SEMA3C: variants seen among roughly 807,000 people sequenced by gnomAD.
SEMA3C encodes the protein semaphorin-3C.
Under a neutral mutation model 89.4 loss-of-function variants are expected in SEMA3C, and 47 were observed. The ratio of observed to expected loss-of-function variants is 0.53; its 90% CI spans 0.42 to 0.67. The LOEUF (loss-of-function observed/expected upper bound fraction) is 0.67, where lower values mean the gene tolerates loss of function less well. Among genes scored for constraint, SEMA3C ranks in the 30% least tolerant of loss-of-function variants. The pLI, the probability that SEMA3C is intolerant of heterozygous loss-of-function variation, is 0.00. For missense variants in SEMA3C, 839 were observed against 929.1 expected (o/e 0.90, Z 1.26); for synonymous variants, 310 against 320.2 (o/e 0.97, Z 0.34).
intron 12 of SEMA3C, among the ~76,000 whole-genome samples, chr7:80,787,368 G>T (rs907712950): frequency 5.7e-4 from 85 of 149,646 alleles, no homozygotes; most frequent in African/African-American, 1.7e-3. Flanking sequence ...CTCCAGCCTG[G>T]GTGATAGAGC....
At chr7:80,778,386 C>T (rs896160908) in intron 12 of SEMA3C, among the ~76,000 whole-genome samples, 9 of 152,136 alleles carry the variant, frequency 5.9e-5, no homozygotes, top group South Asian at 4.1e-4. Context: ...GATGTAAATT[C>T]GGGGCTAATC....
At chr7:80,752,974 A>T (rs893538277) in intron 15 of SEMA3C, among the ~76,000 whole-genome samples, 1 of 152,238 alleles carries the variant, frequency 6.6e-6, no homozygotes, top group Non-Finnish European at 1.5e-5. Context: ...TTAAAAGCAC[A>T]CAGTAGATAT....
chr7:80,849,196 A>C (rs893946696), intron 2 of SEMA3C, among the ~76,000 whole-genome samples: 4 of 152,194 alleles, frequency 2.6e-5, no homozygotes, highest in Non-Finnish European at 5.9e-5. Context: ...ACTGTTCTGC[A>C]TAAAAAGAAT....
chr7:80,882,875 T>A (rs1262216970), intron 2 of SEMA3C, among the ~76,000 whole-genome samples: 3 of 151,804 alleles, frequency 2.0e-5, no homozygotes, highest in African/African-American at 7.3e-5. Flanking sequence ...CATATGAAAA[T>A]TTAAAAAAGA....
intron 2 of SEMA3C, among the ~76,000 whole-genome samples, chr7:80,912,929 T>A (rs1792186470): frequency 1.3e-5 from 2 of 152,188 alleles, no homozygotes; most frequent in African/African-American, 2.4e-5. Flanking sequence ...ATTCATCAGC[T>A]TTGGGGCTTA....
chr7:80,752,606 C>A (rs1413798564), intron 15 of SEMA3C, among the ~76,000 whole-genome samples: 1 of 115,946 alleles, frequency 8.6e-6, no homozygotes, highest in Non-Finnish European at 1.8e-5. Context: ...CAGGGTGAGA[C>A]TCCATCTCAA....
At chr7:80,802,282 A>G (rs944867075) in intron 9 of SEMA3C, among the ~76,000 whole-genome samples, 1 of 152,140 alleles carries the variant, frequency 6.6e-6, no homozygotes, top group Non-Finnish European at 1.5e-5. Context: ...ATTAGCTACA[A>G]TAGTAAAAAT....
chr7:80,783,903 T>C lies in SEMA3C; in HGVS notation c.1354+5403A>G, dbSNP rs541383150. ...AAGAAGCATGAAACAGTATACACTA[T>C]ATAAGAATGTTAGCAGAACACATGT... On this transcript the variant is annotated intron_variant, in intron 12 of 17. Coordinates refer to ENST00000265361, the MANE Select transcript of SEMA3C (RefSeq NM_006379.5). Among the ~76,000 whole-genome samples the C allele has an allele frequency of 2.6e-5, 4 of 152,298 alleles. No homozygotes were observed. The East Asian group carries it at 7.7e-4, about 29-fold the overall frequency.
chr7:80,801,966 C>T (rs1789219809), intron 9 of SEMA3C, among the ~76,000 whole-genome samples: 1 of 151,996 alleles, frequency 6.6e-6, no homozygotes, highest in Non-Finnish European at 1.5e-5. Context: ...AACTTATCAC[C>T]TGTCTCAAAA....
At chr7:80,856,219 A>C (rs1178816986) in intron 2 of SEMA3C, among the ~76,000 whole-genome samples, 1 of 152,112 alleles carries the variant, frequency 6.6e-6, no homozygotes, top group Non-Finnish European at 1.5e-5. Flanking sequence ...AATGGATTTG[A>C]CAGATTATCT....
intron 17 of SEMA3C, among the ~76,000 whole-genome samples, chr7:80,746,033 T>C (rs566335060): frequency 2.0e-5 from 3 of 152,304 alleles, no homozygotes; most frequent in African/African-American, 4.8e-5. Context: ...CAGTAAATGC[T>C]TGAAACCTTC....
chr7:80,915,988 G>A (rs1262137086), intron 2 of SEMA3C, among the ~76,000 whole-genome samples: 1 of 152,120 alleles, frequency 6.6e-6, no homozygotes, highest in Non-Finnish European at 1.5e-5. Context: ...TCATTCATCT[G>A]TAAGTCCTTT....
rs540188780 is a variant in SEMA3C, at chr7:80,850,895, T to G, written c.104-22150A>C. Among the ~76,000 whole-genome samples the G allele has an allele frequency of 1.9e-3, 294 of 152,318 alleles. 2 individuals are homozygous for G. Among genetic ancestry groups the G allele is most frequent in the African/African-American group, 6.7e-3 (280 of 41,580 alleles). On this transcript the variant is annotated intron_variant, in intron 2 of 17. Coordinates refer to ENST00000265361, the MANE Select transcript of SEMA3C (RefSeq NM_006379.5). ...GTGACTTAAAACACAAAATTTTTTC[T>G]CTCACACTTCTAGAGACCAGGAGTA... is the stretch of plus-strand genomic sequence containing the variant.
intron 2 of SEMA3C, among the ~76,000 whole-genome samples, chr7:80,874,212 T>C (rs1362741040): frequency 6.6e-6 from 1 of 152,172 alleles, no homozygotes; most frequent in Non-Finnish European, 1.5e-5. Context: ...TAGAATTGAC[T>C]GCTCCTAACA....
intron 2 of SEMA3C, among the ~76,000 whole-genome samples, chr7:80,904,006 A>G (rs1421035480): frequency 1.3e-5 from 2 of 152,074 alleles, no homozygotes; most frequent in Non-Finnish European, 2.9e-5. Context: ...TTAATCCCCT[A>G]TATGTTAGGC....
chr7:80,802,760 C>A lies in SEMA3C; in HGVS notation c.821G>T (p.Arg274Leu). The A allele has an allele frequency of 6.2e-7, 1 of 1,612,596 alleles. No homozygotes were observed. The highest frequency in any genetic ancestry group is 8.5e-7 in the Non-Finnish European group (1 of 1,178,848). The change falls in exon 9 of 18, where the codon CGT becomes CTT. Residue 274 changes from arginine to leucine, a missense_variant. Physicochemically the swap from Arg to Leu is moderately radical, Grantham distance 102. Transcript: ENST00000265361. ...RICPNDTGGL[R>L]SLVNKWTTFL... is the part of the protein sequence containing the mutation. ...AGTGGTCCACTTGTTGACAAGGCTA[C>A]GCAGTCCACCAGTGTCATTCTAAAA...
intron 2 of SEMA3C, among the ~76,000 whole-genome samples, chr7:80,870,982 G>T (rs1247293201): frequency 6.6e-6 from 1 of 152,138 alleles, no homozygotes; most frequent in Non-Finnish European, 1.5e-5. Context: ...CTTAATACTG[G>T]CCCTCTGAAC....
At chr7:80,758,956 G>A (rs1379804626) in intron 14 of SEMA3C, among the ~76,000 whole-genome samples, 1 of 152,102 alleles carries the variant, frequency 6.6e-6, no homozygotes, top group African/African-American at 2.4e-5. Context: ...AGTAAGTACT[G>A]GATGAAATAA....
At position 80,761,578 on chromosome 7, in the gene SEMA3C, T is replaced by G. The variant is rs1349892436; in HGVS notation, c.1485+38A>C. ...ATAATTTTTCATAACAACAAAACAT[T>G]TCAATAAGCAAAGAACATAAAATAG... On this transcript the variant is annotated intron_variant, in intron 14 of 17. Coordinates refer to ENST00000265361, the MANE Select transcript of SEMA3C (RefSeq NM_006379.5). 3 of 1,087,646 alleles carry G rather than the reference T, an allele frequency of 2.8e-6. No homozygotes were observed. In the Admixed American group the frequency reaches 7.1e-5, roughly 26 times the overall value. The allele number at this position is 1,087,646 out of a possible 1,614,324, so 67.4% of individuals were successfully genotyped here. A position where few individuals can be genotyped will look rare whatever the true frequency, so the allele number is the denominator to read the frequency against.
Sources: allele counts gnomAD v4.1 joint callset (sites outside exome capture counted in the v4.1 genomes callset), GRCh38; gene constraint gnomAD v4.1.1; transcripts MANE v1.5; gene names NCBI Gene and HGNC (gene_info 2026-07-23, HGNC 2026-07-21).